The following ADGRL3 variants were observed in gnomAD, a reference collection of about 807,000 sequenced individuals.
ADGRL3 encodes the protein adhesion G protein-coupled receptor L3.
A neutral mutation model predicts 153.5 loss-of-function variants in ADGRL3; 62 were observed. The ratio of observed to expected loss-of-function variants is 0.40; its 90% confidence interval spans 0.33 to 0.50. ADGRL3 has a LOEUF of 0.50. Ranked by LOEUF, ADGRL3 falls within the 20% of genes least tolerant of loss-of-function variation. The pLI is 0.47. For missense variants in ADGRL3, 1,641 were observed against 1,859.4 expected, an observed-to-expected ratio of 0.88 and a Z score of 2.16; for synonymous variants, 710 against 672.5, an observed-to-expected ratio of 1.06 and a Z score of -0.86.
At chr4:61,856,678 G>A (rs2098271589) in intron 9 of ADGRL3, among the ~76,000 whole-genome samples, 1 of 126,956 alleles carries the variant, frequency 7.9e-6, no homozygotes, top group African/African-American at 3.0e-5. Context: ...GTGCAGTGGT[G>A]CAATCTCAGC....
At chr4:61,477,728 G>A (rs192316766) in intron 2 of ADGRL3, among the ~76,000 whole-genome samples, 2 of 152,082 alleles carry the variant, frequency 1.3e-5, no homozygotes, top group East Asian at 1.9e-4. Flanking sequence ...GTGGATTTGT[G>A]GATTGGAGTC....
At chr4:61,793,756 T>C (rs2097372673) in intron 8 of ADGRL3, among the ~76,000 whole-genome samples, 1 of 152,186 alleles carries the variant, frequency 6.6e-6, no homozygotes. Flanking sequence ...TTATAAAGTA[T>C]AGTTTATTTT....
chr4:61,332,978 G>C (rs1230202028), intron 1 of ADGRL3, among the ~76,000 whole-genome samples: 2 of 152,108 alleles, frequency 1.3e-5, no homozygotes, highest in African/African-American at 4.8e-5. Context: ...ACATTATAGA[G>C]AAGTATAATG....
At chr4:61,412,885 A>G (rs1290299843) in intron 2 of ADGRL3, among the ~76,000 whole-genome samples, 3 of 152,128 alleles carry the variant, frequency 2.0e-5, no homozygotes, top group African/African-American at 4.8e-5. Context: ...TCTTTGTCAG[A>G]TAATTTTAAC....
rs781496811 is a variant in ADGRL3, at chr4:61,947,096, G to A, written c.2602G>A (p.Val868Met). ...TAACAAGGTTTATTTGGCTGATCCT[G>A]TGGTATTTACTGTTAAACATATCAA... is the stretch of plus-strand genomic sequence containing the variant. ...FSNKVYLADPVVFTVKHIKQS... is the reference protein window; with the variant it reads ...FSNKVYLADPMVFTVKHIKQS... The change falls in exon 16 of 27, where the codon GTG becomes ATG. Residue 868 changes from valine (V) to methionine (M), a missense_variant. Coordinates refer to ENST00000683033, the MANE Select transcript of ADGRL3 (RefSeq NM_001387552.1). The A allele has an allele frequency of 6.2e-7, 1 of 1,613,776 alleles. No homozygotes were observed. Among genetic ancestry groups the A allele is most frequent in the South Asian group, 1.1e-5 (1 of 91,078 alleles).
chr4:61,775,701 A>C, intron 8 of ADGRL3: 2 of 1,394,282 alleles, frequency 1.4e-6, no homozygotes, highest in Non-Finnish European at 2.0e-6. Flanking sequence ...ATGCAAGCAC[A>C]CAAAGGTGGG....
intron 5 of ADGRL3, among the ~76,000 whole-genome samples, chr4:61,625,148 T>C (rs2092758115): frequency 6.6e-6 from 1 of 152,112 alleles, no homozygotes; most frequent in South Asian, 2.1e-4. Context: ...AGTATTGTTT[T>C]TCATCCAGCC....
At chr4:61,283,551 C>T (rs2093809260) in intron 1 of ADGRL3, among the ~76,000 whole-genome samples, 1 of 151,942 alleles carries the variant, frequency 6.6e-6, no homozygotes, top group Non-Finnish European at 1.5e-5. Flanking sequence ...GTCACTAACT[C>T]TGGCCTTTGG....
intron 5 of ADGRL3, among the ~76,000 whole-genome samples, chr4:61,621,216 A>G (rs187695300): frequency 5.6e-4 from 85 of 151,894 alleles, no homozygotes; most frequent in Non-Finnish European, 2.2e-4. Flanking sequence ...TTCATTTTTT[A>G]TCTGTATCCT....
intron 19 of ADGRL3, among the ~76,000 whole-genome samples, chr4:61,984,777 G>A (rs964170998): frequency 1.3e-5 from 2 of 151,772 alleles, no homozygotes; most frequent in Non-Finnish European, 2.9e-5. Flanking sequence ...CTCCCAAGTA[G>A]TGCAACAGCC....
chr4:61,350,869 A>G (rs1171066497), intron 1 of ADGRL3, among the ~76,000 whole-genome samples: 2 of 152,034 alleles, frequency 1.3e-5, no homozygotes, highest in Admixed American at 6.6e-5. Flanking sequence ...AAACACAACA[A>G]TTTTTAAATT....
intron 1 of ADGRL3, among the ~76,000 whole-genome samples, chr4:61,372,604 G>A (rs552354112): frequency 1.1e-3 from 166 of 152,294 alleles, no homozygotes; most frequent in Non-Finnish European, 1.8e-3. Flanking sequence ...CTCCAGCTGC[G>A]TGCTGGGAGA....
chr4:61,735,848 T>C (rs959184051), intron 8 of ADGRL3, among the ~76,000 whole-genome samples: 7 of 152,190 alleles, frequency 4.6e-5, no homozygotes, highest in Non-Finnish European at 2.9e-5. Flanking sequence ...AGCAAGTTCT[T>C]AACTCAGTTT....
chr4:61,277,595 G>A (rs562472724), intron 1 of ADGRL3, among the ~76,000 whole-genome samples: 47 of 152,070 alleles, frequency 3.1e-4, no homozygotes, highest in African/African-American at 9.4e-4. Flanking sequence ...GGGATATAGT[G>A]GGAAAAAAAT....
At chr4:61,685,542 C>T (rs906490474) in intron 6 of ADGRL3, among the ~76,000 whole-genome samples, 2 of 151,990 alleles carry the variant, frequency 1.3e-5, no homozygotes, top group South Asian at 2.1e-4. Flanking sequence ...AGAATGAGAA[C>T]GAGATAGGCC....
intron 5 of ADGRL3, 60 bp from the exon 6 acceptor site, chr4:61,676,766 G>A (rs563722077): frequency 2.6e-6 from 3 of 1,136,438 alleles, no homozygotes; most frequent in East Asian, 4.7e-5. Context: ...TAGTGTTGAT[G>A]TTGATAATAA....
chr4:61,388,597 G>A (rs996615628), intron 2 of ADGRL3, among the ~76,000 whole-genome samples: 24 of 152,072 alleles, frequency 1.6e-4, no homozygotes, highest in African/African-American at 5.3e-4. Flanking sequence ...ACACCTCTTA[G>A]GCTACTACCT....
intron 25 of ADGRL3, among the ~76,000 whole-genome samples, chr4:62,047,475 C>T (rs1731730468): frequency 1.3e-5 from 2 of 151,772 alleles, no homozygotes; most frequent in South Asian, 2.1e-4. Flanking sequence ...TTTTTTAAAC[C>T]ATCTCAAATA....
chr4:61,678,044 C>T (rs2150928449), intron 6 of ADGRL3, among the ~76,000 whole-genome samples: 1 of 152,054 alleles, frequency 6.6e-6, no homozygotes, highest in South Asian at 2.1e-4. Flanking sequence ...TATGAAAAAT[C>T]CTCAGAGTAC....
Sources: gnomAD v4.1 joint callset for allele counts (sites outside exome capture counted in the v4.1 genomes callset) on GRCh38, gnomAD v4.1.1 for gene constraint, MANE v1.5 for transcripts, NCBI Gene and HGNC (gene_info 2026-07-23, HGNC 2026-07-21) for gene names.